Variants in RGPD3 observed in about 807,000 individuals in gnomAD.
The protein encoded by RGPD3 is ranBP2-like and GRIP domain-containing protein 3.
In RGPD3, 62 loss-of-function variants were observed where a neutral mutation model predicts 154.5. That is an observed-to-expected ratio of 0.40 (90% CI 0.33 to 0.50). The LOEUF (loss-of-function observed/expected upper bound fraction) is 0.50, where lower values mean the gene tolerates loss of function less well. Ranked by LOEUF, RGPD3 falls within the 20% of genes least tolerant of loss-of-function variation. The pLI is 0.59. For synonymous variants in RGPD3, 308 were observed against 607.0 expected, an observed-to-expected ratio of 0.51 and a Z score of 7.24; for missense variants, 919 against 1,716.8, an observed-to-expected ratio of 0.54 and a Z score of 8.21.
rs764779447 is a variant in RGPD3 at position 106,405,182 on chromosome 2, G to A, written c.*37C>T. The A allele has an allele frequency of 3.2e-5, 51 of 1,607,614 alleles. No individual in the cohort carries two copies. The highest frequency in any genetic ancestry group is 5.1e-5 in the Admixed American group (3 of 58,800). On this transcript the variant is annotated 3_prime_UTR_variant, in exon 23 of 23. Transcript: ENST00000409886. Reference sequence around the variant, plus strand: ...ACCTATCGAAGTCCAAACCAACTACGAAGATAGGATGCCCATCCAGAAGAA... The same window carrying A: ...ACCTATCGAAGTCCAAACCAACTACAAAGATAGGATGCCCATCCAGAAGAA...
chr2:106,416,063 T>C, intron 20 of RGPD3, 74 bp from the exon 21 acceptor site: 1 of 1,558,164 alleles, frequency 6.4e-7, no homozygotes, highest in South Asian at 1.2e-5. Flanking sequence ...AAGAAAAATC[T>C]AAATATAAAT....
chr2:106,466,954 T>A (rs1490523972), intron 1 of RGPD3, among the ~76,000 whole-genome samples: 563 of 114,246 alleles, frequency 4.9e-3, no homozygotes, highest in African/African-American at 0.016. Context: ...CCATGACGCC[T>A]GAGCCATCGA....
chr2:106,411,752 A>C (rs1218423956), intron 22 of RGPD3, among the ~76,000 whole-genome samples: 1 of 152,122 alleles, frequency 6.6e-6, no homozygotes, highest in African/African-American at 2.4e-5. Flanking sequence ...TGGGAGGAGG[A>C]GGTTGCAGTG....
At chr2:106,420,403 C>T (rs1676944394) in intron 20 of RGPD3, among the ~76,000 whole-genome samples, 1 of 151,846 alleles carries the variant, frequency 6.6e-6, no homozygotes. Context: ...TAAAGAAGAA[C>T]TTCTGGCTAA....
At chr2:106,461,391 C>G (rs570431472) in intron 1 of RGPD3, among the ~76,000 whole-genome samples, 1 of 152,198 alleles carries the variant, frequency 6.6e-6, no homozygotes, top group East Asian at 1.9e-4. Flanking sequence ...ACTGAGATGG[C>G]TAGTATGTAA....
intron 17 of RGPD3, among the ~76,000 whole-genome samples, 165 bp from the exon 18 acceptor site, chr2:106,429,946 C>A (rs1406606927): frequency 1.3e-5 from 2 of 151,920 alleles, no homozygotes; most frequent in South Asian, 4.2e-4. Context: ...TGCAATGGCA[C>A]AATCTTGGCT....
At chr2:106,412,321 T>G (rs868600397) in intron 22 of RGPD3, among the ~76,000 whole-genome samples, 1,656 of 98,830 alleles carry the variant, frequency 0.017, 13 homozygotes, top group Middle Eastern at 0.025. Flanking sequence ...TTTTTTTTTT[T>G]TTTTTTTTTT....
At chr2:106,422,048 C>G (rs1273901590) in intron 20 of RGPD3, among the ~76,000 whole-genome samples, 8 of 152,186 alleles carry the variant, frequency 5.3e-5, no homozygotes, top group Non-Finnish European at 1.0e-4. Context: ...CTGCTGTTAT[C>G]TCATACTGAG....
intron 22 of RGPD3, 25 bp from the exon 23 acceptor site, chr2:106,405,254 A>G (rs200717653): frequency 1.9e-6 from 3 of 1,604,994 alleles, no homozygotes; most frequent in South Asian, 2.2e-5. Context: ...ACAAAAAAAA[A>G]GAAAAAAGAG....
chr2:106,424,632 T>C lies in RGPD3; in HGVS notation c.3335A>G (p.His1112Arg), dbSNP rs1225471493. Residue 1112 changes from histidine to arginine, a missense_variant, in exon 20 of 23, where the codon CAT becomes CGT. Physicochemically the swap from His to Arg is conservative, Grantham distance 29. Coordinates refer to ENST00000409886, the MANE Select transcript of RGPD3 (RefSeq NM_001144013.2). Reference sequence around the variant, plus strand: ...CAGGTTCATTGTAGTCGTTATCCAATGATTAGCACACACTTTTAGTACTTG... The same window carrying C: ...CAGGTTCATTGTAGTCGTTATCCAACGATTAGCACACACTTTTAGTACTTG... ...REQVLKVCAN[H>R]WITTTMNLKP... The C allele has an allele frequency of 6.2e-7, 1 of 1,611,958 alleles. No individual in the cohort carries two copies. The highest frequency in any genetic ancestry group is 2.2e-5 in the East Asian group (1 of 44,856).
At chr2:106,411,974 T>A (rs1353457852) in intron 22 of RGPD3, among the ~76,000 whole-genome samples, 3 of 149,662 alleles carry the variant, frequency 2.0e-5, no homozygotes, top group Non-Finnish European at 4.4e-5. Flanking sequence ...CAATAAACAT[T>A]GAATTATTCA....
In RGPD3 at chr2:106,424,913, G is replaced by A. The variant is rs532454407; in HGVS notation, c.3054C>T (p.Ser1018=). 3.1e-4 allele frequency: 504 copies of A among 1,611,690 alleles called. 4 individuals are homozygous for A. In the South Asian group the frequency reaches 4.7e-3, roughly 15 times the overall value. ...CATCATCATCTTTCTCAAAGTCACC[G>A]GAAGTGTTTGCTTTATTGGCCATTT... ...YGKMANKANT[S]GDFEKDDDAY... is the part of the protein sequence containing the mutation. Residue 1018 remains serine, a synonymous_variant, in exon 20 of 23, where the codon TCC becomes TCT. Transcript: ENST00000409886.
intron 6 of RGPD3, among the ~76,000 whole-genome samples, chr2:106,447,856 C>T (rs1426970604): frequency 6.6e-6 from 1 of 151,630 alleles, no homozygotes; most frequent in Non-Finnish European, 1.5e-5. Context: ...TTATTTCCAG[C>T]CCTCCAATCA....
At chr2:106,427,376 T>TA (rs980329320) in intron 18 of RGPD3, among the ~76,000 whole-genome samples, 2 of 151,228 alleles carry the variant, frequency 1.3e-5, no homozygotes, top group African/African-American at 2.4e-5. Flanking sequence ...TCGTTGGCTT[T>TA]AAAAAAATCA....
At chr2:106,470,871 C>G (rs12466313), upstream of RGPD3, 26 of 1,554,986 alleles carry the variant, frequency 1.7e-5, 3 homozygotes, top group Non-Finnish European at 2.2e-5. Context: ...AGTACTGGGC[C>G]GAGGCATTGT....
chr2:106,403,752 AAGG>A lies in RGPD3; in HGVS notation c.*1464_*1466del, dbSNP rs1435868584. On this transcript the variant is annotated 3_prime_UTR_variant, in exon 23 of 23. Transcript: ENST00000409886. ...ATTCGCTAGTTAGGTCTGTTCTTCTAAGGAGGAAAGACGAGATATATGAGATAT... is the reference window on the plus strand; with the variant it reads ...ATTCGCTAGTTAGGTCTGTTCTTCTAAGGAAAGACGAGATATATGAGATAT... 6.6e-6 allele frequency among the ~76,000 whole-genome samples: 1 copy of A among 152,280 alleles called. No individual in the cohort carries two copies. The highest frequency in any genetic ancestry group is 2.4e-5 in the African/African-American group (1 of 41,486).
At chr2:106,444,788 C>A (rs1677856494) in intron 7 of RGPD3, among the ~76,000 whole-genome samples, 1 of 150,380 alleles carries the variant, frequency 6.6e-6, no homozygotes. Flanking sequence ...ATGATCATGC[C>A]ACTGCACTCC....
chr2:106,450,896 G>T (rs1385774789), intron 6 of RGPD3, among the ~76,000 whole-genome samples: 1 of 74,606 alleles, frequency 1.3e-5, no homozygotes, highest in African/African-American at 4.5e-5. Flanking sequence ...AAAAAAGAGA[G>T]ATTGAGACCA....
At position 106,441,502 on chromosome 2, in the gene RGPD3, C is replaced by T. The variant is rs1573277754; in HGVS notation, c.979-122G>A. On this transcript the variant is annotated intron_variant, in intron 7 of 22. Transcript: ENST00000409886. ...AATGAACAGTTAACCATTAATTAAACTGAATTGGAAAAGACTGCAAAAACT... is the reference window on the plus strand; with the variant it reads ...AATGAACAGTTAACCATTAATTAAATTGAATTGGAAAAGACTGCAAAAACT... 53 of 1,148,892 alleles carry T rather than the reference C, an allele frequency of 4.6e-5. No individual in the cohort carries two copies. In the South Asian group the frequency reaches 8.4e-4, roughly 18 times the overall value. The allele number at this position is 1,148,892 out of a possible 1,614,324, so 71.2% of individuals were successfully genotyped here.
Sources: allele counts gnomAD v4.1 joint callset (sites outside exome capture counted in the v4.1 genomes callset), GRCh38; gene constraint gnomAD v4.1.1; transcripts MANE v1.5; gene names NCBI Gene and HGNC (gene_info 2026-07-23, HGNC 2026-07-21).